The following SLC24A3 variants were observed in gnomAD, a reference collection of about 807,000 sequenced individuals.
The protein encoded by SLC24A3 is solute carrier family 24 member 3, also known as sodium/potassium/calcium exchanger 3.
Under a neutral mutation model 75.8 loss-of-function variants are expected in SLC24A3, and 28 were observed. The ratio of observed to expected loss-of-function variants is 0.37; its 90% CI spans 0.27 to 0.51. The LOEUF (loss-of-function observed/expected upper bound fraction) is 0.51, where lower values mean the gene tolerates loss of function less well. SLC24A3 is among the 20% of genes least tolerant of loss of function. The pLI, the probability that SLC24A3 is intolerant of heterozygous loss-of-function variation, is 0.94. For missense variants in SLC24A3, 663 were observed against 847.8 expected, an observed-to-expected ratio of 0.78 and a Z score of 2.71; for synonymous variants, 372 against 334.1, an observed-to-expected ratio of 1.11 and a Z score of -1.24.
chr20:19,493,680 A>C (rs1410569577), intron 2 of SLC24A3, among the ~76,000 whole-genome samples: 1 of 152,068 alleles, frequency 6.6e-6, no homozygotes, highest in Non-Finnish European at 1.5e-5. Flanking sequence ...TGGATCATAA[A>C]ATGGGATCAC....
At chr20:19,508,371 C>T (rs1600258300) in intron 2 of SLC24A3, among the ~76,000 whole-genome samples, 2 of 152,272 alleles carry the variant, frequency 1.3e-5, no homozygotes, top group East Asian at 3.9e-4. Flanking sequence ...GCTGCAGCAG[C>T]CCATGTTCCT....
In SLC24A3 at chr20:19,487,274, G is replaced by T. The variant is rs140595215; in HGVS notation, c.272-28214G>T. On this transcript the variant is annotated intron_variant, in intron 2 of 16. Transcript: ENST00000328041. The stretch of plus-strand genomic sequence containing the variant: ...GACTCAGAGGCTGGAGACCCCATGC[G>T]TTAGGAATCTTTGTTTCCTTCCAAG... Among the ~76,000 whole-genome samples the T allele has an allele frequency of 8.9e-4, 136 of 152,218 alleles. 1 individual carries two copies. The East Asian group carries it at 0.02, about 22-fold the overall frequency.
At chr20:19,510,691 A>G (rs182492476) in intron 2 of SLC24A3, among the ~76,000 whole-genome samples, 32 of 152,362 alleles carry the variant, frequency 2.1e-4, no homozygotes, top group African/African-American at 7.7e-4. Flanking sequence ...ATACTCTGAT[A>G]TGTAGATACT....
At chr20:19,295,715 G>T (rs1343288525) in intron 2 of SLC24A3, among the ~76,000 whole-genome samples, 1 of 152,144 alleles carries the variant, frequency 6.6e-6, no homozygotes, top group Admixed American at 6.5e-5. Context: ...ATTGATCGTG[G>T]TGGATAAACT....
chr20:19,212,875 TCGC>T lies in SLC24A3; in HGVS notation c.54_56del (p.Arg20del), dbSNP rs761595384. ...CGTCCGGCGACGAGGACCGCGCGCG[TCGC>T]CGCCGCCGCCGCCGCCGCCGGAGGG... On this transcript the variant is annotated inframe_deletion, in exon 1 of 17. Transcript: ENST00000328041. 5.9e-4 allele frequency: 738 copies of T among 1,250,606 alleles called. No homozygotes were observed. Among genetic ancestry groups the T allele is most frequent in the African/African-American group, 4.4e-3 (271 of 61,904 alleles). The allele number at this position is 1,250,606 out of a possible 1,614,324, so 77.5% of individuals were successfully genotyped here.
Position 19,662,327 on chromosome 20 carries a change from G to A in SLC24A3, c.688-3537G>A, listed in dbSNP as rs773591445. On this transcript the variant is annotated intron_variant, in intron 7 of 16. Transcript: ENST00000328041. ...TTCCAAAGCCCACAACAGGAGGTCC[G>A]TCAAGTGCAACTCATCGTTGAGGAC... is the stretch of plus-strand genomic sequence containing the variant. Among the ~76,000 whole-genome samples the A allele has an allele frequency of 2.7e-4, 41 of 152,346 alleles. 1 individual carries two copies. Among genetic ancestry groups the A allele is most frequent in the Non-Finnish European group, 2.8e-4 (19 of 68,032 alleles).
intron 2 of SLC24A3, among the ~76,000 whole-genome samples, chr20:19,302,046 A>T (rs1984208001): frequency 6.6e-6 from 1 of 152,236 alleles, no homozygotes; most frequent in Non-Finnish European, 1.5e-5. Context: ...TAATTCTAGT[A>T]ACATGCCCAT....
chr20:19,343,659 G>A (rs1163204696), intron 2 of SLC24A3, among the ~76,000 whole-genome samples: 2 of 152,120 alleles, frequency 1.3e-5, no homozygotes, highest in African/African-American at 2.4e-5. Flanking sequence ...AGACAGGAGG[G>A]CATTGCCATG....
chr20:19,364,265 C>T (rs1235153134), intron 2 of SLC24A3, among the ~76,000 whole-genome samples: 1 of 152,116 alleles, frequency 6.6e-6, no homozygotes, highest in East Asian at 1.9e-4. Flanking sequence ...TCCACTTCAG[C>T]CAGCCGCCCC....
chr20:19,257,095 T>C (rs2122188380), intron 1 of SLC24A3, among the ~76,000 whole-genome samples: 1 of 152,290 alleles, frequency 6.6e-6, no homozygotes, highest in African/African-American at 2.4e-5. Flanking sequence ...TCTGGTATCA[T>C]GGCTATGACC....
chr20:19,526,548 T>C (rs2030202057), intron 3 of SLC24A3, among the ~76,000 whole-genome samples: 1 of 152,160 alleles, frequency 6.6e-6, no homozygotes, highest in African/African-American at 2.4e-5. Context: ...CTGGATTCAG[T>C]CTATTCTCTT....
chr20:19,563,574 A>G (rs910914198), intron 3 of SLC24A3, among the ~76,000 whole-genome samples: 1 of 152,180 alleles, frequency 6.6e-6, no homozygotes, highest in Non-Finnish European at 1.5e-5. Context: ...TTTAAAGAAT[A>G]TAGGCTTGAA....
chr20:19,332,020 G>A (rs1985011174), intron 2 of SLC24A3, among the ~76,000 whole-genome samples: 1 of 152,200 alleles, frequency 6.6e-6, no homozygotes, highest in African/African-American at 2.4e-5. Context: ...GGAGACGGAG[G>A]TGCTTGAGGA....
At chr20:19,630,159 T>G (rs1450323780) in intron 6 of SLC24A3, among the ~76,000 whole-genome samples, 2 of 152,216 alleles carry the variant, frequency 1.3e-5, no homozygotes, top group Non-Finnish European at 2.9e-5. Flanking sequence ...ACTATGGCTA[T>G]TCTCATAAGA....
intron 3 of SLC24A3, among the ~76,000 whole-genome samples, chr20:19,540,724 C>T (rs1418656604): frequency 2.6e-5 from 4 of 152,188 alleles, no homozygotes; most frequent in Non-Finnish European, 4.4e-5. Context: ...GGTAAGTTTG[C>T]ATTTGATTTG....
At chr20:19,466,001 C>T (rs567954798) in intron 2 of SLC24A3, among the ~76,000 whole-genome samples, 17 of 152,286 alleles carry the variant, frequency 1.1e-4, no homozygotes, top group Middle Eastern at 3.4e-3. Flanking sequence ...CTCCTTGTCT[C>T]CCCAGCTGTC....
intron 2 of SLC24A3, among the ~76,000 whole-genome samples, chr20:19,446,005 T>C (rs1339860530): frequency 6.6e-6 from 1 of 152,214 alleles, no homozygotes; most frequent in African/African-American, 2.4e-5. Flanking sequence ...AGGAAACTGT[T>C]GTTACCTTTA....
chr20:19,554,044 T>C (rs2030745111), intron 3 of SLC24A3, among the ~76,000 whole-genome samples: 1 of 152,114 alleles, frequency 6.6e-6, no homozygotes, highest in Non-Finnish European at 1.5e-5. Flanking sequence ...CAATGCAGTC[T>C]AAGAAGAAAT....
chr20:19,431,904 A>G (rs1987110019), intron 2 of SLC24A3, among the ~76,000 whole-genome samples: 1 of 151,732 alleles, frequency 6.6e-6, no homozygotes, highest in Non-Finnish European at 1.5e-5. Context: ...AATAAGAAAG[A>G]CTTTCTGGAT....
Sources: allele counts gnomAD v4.1 joint callset (sites outside exome capture counted in the v4.1 genomes callset), GRCh38; gene constraint gnomAD v4.1.1; transcripts MANE v1.5; gene names NCBI Gene and HGNC (gene_info 2026-07-23, HGNC 2026-07-21).